NLGN1: variants seen among roughly 807,000 people sequenced by gnomAD.
NLGN1 encodes neuroligin-1.
Under a neutral mutation model 65.5 loss-of-function variants are expected in NLGN1, and 12 were observed. That is an observed-to-expected ratio of 0.18 (90% CI 0.12 to 0.30). The LOEUF is 0.30. Among genes scored for constraint, NLGN1 ranks in the 10% least tolerant of loss-of-function variants. NLGN1 has a pLI of 1.00. For synonymous variants in NLGN1, 350 were observed against 359.5 expected (o/e 0.97, Z 0.30); for missense variants, 750 against 1,007.1 (o/e 0.74, Z 3.46).
chr3:174,066,562 CTCTGTG>C (rs1253702995), intron 4 of NLGN1, among the ~76,000 whole-genome samples: 6 of 129,866 alleles, frequency 4.6e-5, no homozygotes, highest in Non-Finnish European at 7.9e-5. Flanking sequence ...CTCTCTCTCT[CTCTGTG>C]TGTGTGTGTG....
chr3:173,724,187 C>A (rs1326587236), intron 3 of NLGN1, among the ~76,000 whole-genome samples: 1 of 152,146 alleles, frequency 6.6e-6, no homozygotes, highest in Admixed American at 6.5e-5. Context: ...AAAACTTTAA[C>A]TTAAAATAAC....
intron 4 of NLGN1, among the ~76,000 whole-genome samples, chr3:174,010,594 T>A (rs1226293629): frequency 6.6e-6 from 1 of 152,194 alleles, no homozygotes. Flanking sequence ...GTTCTACATA[T>A]AGACACAATT....
chr3:174,264,500 C>T (rs1377884215), intron 4 of NLGN1, among the ~76,000 whole-genome samples: 1 of 150,796 alleles, frequency 6.6e-6, no homozygotes, highest in Admixed American at 6.7e-5. Flanking sequence ...CTGCATTCTT[C>T]ACGTAGTTCT....
chr3:173,777,631 G>GTCTGTCTGTCTGTCTA (rs1216215896), intron 3 of NLGN1, among the ~76,000 whole-genome samples: 1 of 35,894 alleles, frequency 2.8e-5, no homozygotes, highest in African/African-American at 6.4e-5. Context: ...CTGTCTGTCT[G>GTCTGTCTGTCTGTCTA]TCTATCTATC....
At chr3:173,454,228 A>G (rs1722130640) in intron 2 of NLGN1, among the ~76,000 whole-genome samples, 1 of 152,214 alleles carries the variant, frequency 6.6e-6, no homozygotes, top group Non-Finnish European at 1.5e-5. Context: ...ATGCTTTGAT[A>G]TTCTATTTAT....
chr3:174,040,117 TTTGACATACAGG>T (rs1731959718), intron 4 of NLGN1, among the ~76,000 whole-genome samples: 1 of 152,220 alleles, frequency 6.6e-6, no homozygotes, highest in Admixed American at 6.5e-5. Context: ...TAGTCTCTAA[TTTGACATACAGG>T]TTGCCCCATT....
intron 4 of NLGN1, among the ~76,000 whole-genome samples, chr3:174,142,647 G>A (rs937208561): frequency 2.0e-5 from 3 of 151,764 alleles, no homozygotes; most frequent in East Asian, 1.9e-4. Flanking sequence ...GAGAAAGAAA[G>A]ACAAAGAACT....
chr3:173,732,446 C>T (rs1377205988), intron 3 of NLGN1, among the ~76,000 whole-genome samples: 1 of 152,084 alleles, frequency 6.6e-6, no homozygotes, highest in East Asian at 1.9e-4. Flanking sequence ...GGCTTTGAGG[C>T]CGTGTCTGTA....
chr3:174,165,223 T>C (rs1176924444), intron 4 of NLGN1, among the ~76,000 whole-genome samples: 1 of 152,068 alleles, frequency 6.6e-6, no homozygotes, highest in Non-Finnish European at 1.5e-5. Context: ...TGGCTAGCAT[T>C]TCCAGTACTA....
chr3:173,876,833 A>C (rs926446912), intron 4 of NLGN1, among the ~76,000 whole-genome samples: 1 of 152,192 alleles, frequency 6.6e-6, no homozygotes, highest in Non-Finnish European at 1.5e-5. Flanking sequence ...ATACATACTG[A>C]CAAAAATATA....
intron 4 of NLGN1, among the ~76,000 whole-genome samples, chr3:173,961,588 A>C (rs554555540): frequency 3.9e-5 from 6 of 152,216 alleles, no homozygotes; most frequent in African/African-American, 7.2e-5. Context: ...GAAGGACATG[A>C]GGCATAGGTG....
intron 4 of NLGN1, among the ~76,000 whole-genome samples, chr3:174,061,772 A>G (rs901998281): frequency 1.3e-5 from 2 of 152,132 alleles, no homozygotes; most frequent in Non-Finnish European, 2.9e-5. Context: ...TGGCTACTCT[A>G]TAAAGTGCAG....
chr3:173,422,207 T>C (rs537370555), intron 1 of NLGN1, among the ~76,000 whole-genome samples: 221 of 152,252 alleles, frequency 1.5e-3, no homozygotes, highest in South Asian at 0.013. Flanking sequence ...GAAGGAATTC[T>C]TGTCATATGC....
chr3:173,470,083 T>C (rs1203077799), intron 2 of NLGN1, among the ~76,000 whole-genome samples: 1 of 152,066 alleles, frequency 6.6e-6, no homozygotes, highest in Non-Finnish European at 1.5e-5. Flanking sequence ...ACTTTAGAAT[T>C]GACTTGCCCT....
chr3:173,512,505 T>C (rs1197617210), intron 2 of NLGN1, among the ~76,000 whole-genome samples: 2 of 152,186 alleles, frequency 1.3e-5, no homozygotes, highest in Non-Finnish European at 2.9e-5. Flanking sequence ...TTCTTCCCGA[T>C]GTCCAGCTGC....
At chr3:174,180,779 T>A (rs1730251999) in intron 4 of NLGN1, 1 of 151,994 alleles carries the variant, frequency 6.6e-6, no homozygotes, top group Non-Finnish European at 1.5e-5. Context: ...ACATTTTAAC[T>A]TCCCACAGAT....
At chr3:173,660,397 T>A (rs931654612) in intron 3 of NLGN1, among the ~76,000 whole-genome samples, 1 of 151,734 alleles carries the variant, frequency 6.6e-6, no homozygotes, top group Non-Finnish European at 1.5e-5. Context: ...TACTTAGAAG[T>A]CAATTCATTA....
chr3:173,785,209 G>A (rs1004224334), intron 3 of NLGN1, among the ~76,000 whole-genome samples: 1 of 152,174 alleles, frequency 6.6e-6, no homozygotes, highest in African/African-American at 2.4e-5. Context: ...CCAGGCCACA[G>A]ATGGCGCCAT....
intron 4 of NLGN1, among the ~76,000 whole-genome samples, chr3:174,167,090 G>T (rs1412693299): frequency 1.3e-5 from 2 of 151,992 alleles, no homozygotes; most frequent in Non-Finnish European, 2.9e-5. Context: ...CTTGTGAAAT[G>T]GGTCTTTTGA....
Sources: gnomAD v4.1 joint callset for allele counts (sites outside exome capture counted in the v4.1 genomes callset) on GRCh38, gnomAD v4.1.1 for gene constraint, MANE v1.5 for transcripts, NCBI Gene and HGNC (gene_info 2026-07-23, HGNC 2026-07-21) for gene names.